The following USP16 variants were observed in gnomAD, a reference collection of about 807,000 sequenced individuals.
USP16 encodes ubiquitin specific peptidase 16, also known as ubiquitin carboxyl-terminal hydrolase 16.
A neutral mutation model predicts 95.9 loss-of-function variants in USP16; 77 were observed. That is an observed-to-expected ratio of 0.80 (90% CI 0.67 to 0.97). The LOEUF (loss-of-function observed/expected upper bound fraction) is 0.97, where lower values mean the gene tolerates loss of function less well. USP16 is among the 50% of genes least tolerant of loss of function. USP16 has a pLI of 0.00. For missense variants in USP16, 943 were observed against 959.9 expected, an observed-to-expected ratio of 0.98 and a Z score of 0.23; for synonymous variants, 303 against 318.2, an observed-to-expected ratio of 0.95 and a Z score of 0.51.
chr21:29,039,056 G>T lies in USP16; in HGVS notation c.763G>T (p.Gly255Cys). Residue 255 changes from glycine to cysteine, a missense_variant, in exon 8 of 18, where the codon GGC (glycine) becomes TGC (cysteine). Gly to Cys is a radical substitution (Grantham distance 159). Transcript: ENST00000399976. ...EPLEINLEPP[G>C]PLTLAMSQFL... The stretch of plus-strand genomic sequence containing the variant: ...ATTAGAAATAAACCTTGAGCCTCCA[G>T]GCCCTCTTACTTTAGCCATGAGCCA... 1 of 1,579,208 alleles carries T rather than the reference G, an allele frequency of 6.3e-7. No individual in the cohort carries two copies. Among genetic ancestry groups the T allele is most frequent in the African/African-American group, 1.4e-5 (1 of 73,074 alleles).
At chr21:29,044,738 T>C (rs993429610) in intron 13 of USP16, among the ~76,000 whole-genome samples, 3 of 152,090 alleles carry the variant, frequency 2.0e-5, no homozygotes, top group Non-Finnish European at 2.9e-5. Flanking sequence ...TGAGACACCG[T>C]GCCTGGCCCA....
At chr21:29,040,047 T>C (rs2085220474) in intron 9 of USP16, among the ~76,000 whole-genome samples, 1 of 152,216 alleles carries the variant, frequency 6.6e-6, no homozygotes, top group Non-Finnish European at 1.5e-5. Flanking sequence ...AATTAATGAG[T>C]ACTAATAATA....
chr21:29,049,021 G>T (rs1267202550), intron 15 of USP16, among the ~76,000 whole-genome samples, 166 bp downstream of exon 15: 3 of 152,182 alleles, frequency 2.0e-5, no homozygotes, highest in African/African-American at 7.2e-5. Flanking sequence ...GCTAGGCAGA[G>T]GCGCATGTGA....
At chr21:29,025,813 T>G in intron 1 of USP16, 1 of 772,116 alleles carries the variant, frequency 1.3e-6, no homozygotes. Context: ...AAGTATTTCT[T>G]CAGGACCTGC....
intron 9 of USP16, among the ~76,000 whole-genome samples, 183 bp downstream of exon 9, chr21:29,039,751 G>A (rs753930199): frequency 2.0e-5 from 3 of 152,144 alleles, no homozygotes; most frequent in Non-Finnish European, 2.9e-5. Context: ...CAGAGAATTA[G>A]CAGTAATTCT....
At chr21:29,050,355 G>A (rs137921273) in intron 16 of USP16, among the ~76,000 whole-genome samples, 177 bp downstream of exon 16, 36 of 152,234 alleles carry the variant, frequency 2.4e-4, no homozygotes, top group Non-Finnish European at 4.0e-4. Flanking sequence ...TGAAGAATGG[G>A]TTATTTCAGT....
intron 9 of USP16, among the ~76,000 whole-genome samples, chr21:29,039,892 C>T (rs1010049905): frequency 2.0e-5 from 3 of 152,286 alleles, no homozygotes; most frequent in African/African-American, 7.2e-5. Context: ...AGGTGCAGCA[C>T]ACCCTTACTT....
chr21:29,048,550 T>C (rs2085366050), intron 14 of USP16, among the ~76,000 whole-genome samples: 1 of 152,210 alleles, frequency 6.6e-6, no homozygotes, highest in Non-Finnish European at 1.5e-5. Context: ...TCAGTAAGAA[T>C]TTATGGACAT....
intron 10 of USP16, among the ~76,000 whole-genome samples, chr21:29,041,027 C>T (rs919759888): frequency 2.6e-5 from 4 of 152,014 alleles, no homozygotes; most frequent in African/African-American, 4.8e-5. Flanking sequence ...TATTATGTGG[C>T]GTGTAAAGAT....
Position 29,039,205 on chromosome 21 carries a change from G to A in USP16, c.863+49G>A, listed in dbSNP as rs368406859. 7.8e-5 allele frequency: 107 copies of A among 1,375,396 alleles called. No homozygotes were observed. In the African/African-American group the frequency reaches 1.6e-3, roughly 20 times the overall value. 85.2% of individuals were successfully genotyped at this position (1,375,396 alleles called of 1,614,324 possible). A position where few individuals can be genotyped will look rare whatever the true frequency, so the allele number is the denominator to read the frequency against. On this transcript the variant is annotated intron_variant, in intron 8 of 17. Coordinates refer to ENST00000399976, the MANE Select transcript of USP16 (RefSeq NM_006447.3). ...TTTCAGTGCCTCAGTGAGATGCTGA[G>A]AAATAATATTAATATTAAATAGTAA...
chr21:29,044,468 A>G (rs1249454882), intron 13 of USP16, among the ~76,000 whole-genome samples: 4 of 118,326 alleles, frequency 3.4e-5, no homozygotes, highest in African/African-American at 9.6e-5. Context: ...TTTTTTTGAG[A>G]TGGTGTCTCA....
chr21:29,037,747 A>G (rs1246963518), intron 6 of USP16, among the ~76,000 whole-genome samples: 2 of 151,962 alleles, frequency 1.3e-5, no homozygotes, highest in East Asian at 3.9e-4. Context: ...CACCACTCCC[A>G]GCTAGTTTTT....
intron 13 of USP16, among the ~76,000 whole-genome samples, chr21:29,046,457 A>G (rs2085324415): frequency 6.6e-6 from 1 of 152,114 alleles, no homozygotes; most frequent in African/African-American, 2.4e-5. Flanking sequence ...CAATTTCGTC[A>G]TAATTTTTTT....
At chr21:29,053,172 A>G (rs2085441950) in intron 16 of USP16, 2 of 152,538 alleles carry the variant, frequency 1.3e-5, no homozygotes, top group South Asian at 4.1e-4. Flanking sequence ...AGACAGTACT[A>G]CTGAAGGGCC....
chr21:29,024,778 G>T lies in USP16; in HGVS notation c.-42+1G>T. ...GCAGTTATGGGCTCTGTCGCCGTGG[G>T]TGAGTTCTGGTCCCACTGCCTGGCA... is the stretch of plus-strand genomic sequence containing the variant. On this transcript the variant is annotated splice_donor_variant, in intron 1 of 17. Transcript: ENST00000399976. LOFTEE classifies it low-confidence loss of function (5UTR_SPLICE). The T allele has an allele frequency of 7.8e-7, 1 of 1,286,692 alleles. No individual in the cohort carries two copies. Among genetic ancestry groups the T allele is most frequent in the South Asian group, 1.2e-5 (1 of 80,872 alleles). 79.7% of individuals were successfully genotyped at this position (1,286,692 alleles called of 1,614,324 possible).
chr21:29,024,956 C>T (rs566979434), intron 1 of USP16, 179 bp downstream of exon 1: 6 of 616,748 alleles, frequency 9.7e-6, no homozygotes, highest in Non-Finnish European at 1.4e-5. Context: ...GTTCCAGAAG[C>T]TGGCCAATGA....
chr21:29,045,742 A>G (rs1180518744), intron 13 of USP16, among the ~76,000 whole-genome samples: 1 of 151,854 alleles, frequency 6.6e-6, no homozygotes, highest in African/African-American at 2.4e-5. Flanking sequence ...GCATATTTTT[A>G]TTTCTACAGT....
At chr21:29,030,429 TTATC>T (rs2085060722) in intron 2 of USP16, among the ~76,000 whole-genome samples, 162 bp from the exon 3 acceptor site, 1 of 152,222 alleles carries the variant, frequency 6.6e-6, no homozygotes, top group African/African-American at 2.4e-5. Flanking sequence ...TCTCACATAT[TTATC>T]TCATATTATT....
chr21:29,029,439 C>A (rs2085046534), intron 2 of USP16, among the ~76,000 whole-genome samples: 1 of 152,024 alleles, frequency 6.6e-6, no homozygotes, highest in Non-Finnish European at 1.5e-5. Flanking sequence ...AAAAAGGGTA[C>A]CTTCTTTTTC....
Sources: gnomAD v4.1 joint callset for allele counts (sites outside exome capture counted in the v4.1 genomes callset) on GRCh38, gnomAD v4.1.1 for gene constraint, MANE v1.5 for transcripts, NCBI Gene and HGNC (gene_info 2026-07-23, HGNC 2026-07-21) for gene names.